The following CLK3 variants were observed in gnomAD, a reference collection of about 807,000 sequenced individuals.
The protein encoded by CLK3 is CDC like kinase 3, also known as dual specificity protein kinase CLK3.
A neutral mutation model predicts 65.2 loss-of-function variants in CLK3; 24 were observed. The ratio of observed to expected loss-of-function variants is 0.37; its 90% CI spans 0.27 to 0.52. The LOEUF (loss-of-function observed/expected upper bound fraction) is 0.52, where lower values mean the gene tolerates loss of function less well. CLK3 is among the 20% of genes least tolerant of loss of function. CLK3 has a pLI of 0.92. For synonymous variants in CLK3, 252 were observed against 240.8 expected, an observed-to-expected ratio of 1.05 and a Z score of -0.43; for missense variants, 506 against 660.0, an observed-to-expected ratio of 0.77 and a Z score of 2.56.
At chr15:74,615,445 C>A, upstream of CLK3, 1 of 1,284,736 alleles carries the variant, frequency 7.8e-7, no homozygotes, top group Non-Finnish European at 9.9e-7. Flanking sequence ...TCTCCGGGGC[C>A]CCGAGAACAA....
upstream of CLK3, among the ~76,000 whole-genome samples, chr15:74,614,199 A>G (rs2062026627): frequency 1.3e-5 from 2 of 152,192 alleles, no homozygotes; most frequent in African/African-American, 4.8e-5. Flanking sequence ...TTTTTAGTAG[A>G]GACGGGGTTT....
intron 2 of CLK3, among the ~76,000 whole-genome samples, chr15:74,619,754 C>G (rs1220697142): frequency 6.6e-6 from 1 of 152,118 alleles, no homozygotes; most frequent in Non-Finnish European, 1.5e-5. Context: ...GTATAGAACC[C>G]TTGGAGGCAC....
At chr15:74,619,157 G>A (rs2062082315) in intron 1 of CLK3, 40 bp from the exon 2 acceptor site, 3 of 1,607,830 alleles carry the variant, frequency 1.9e-6, no homozygotes, top group South Asian at 2.2e-5. Flanking sequence ...GAGGTGGCTG[G>A]CTGTGTGTTT....
chr15:74,619,306 C>G lies in CLK3; in HGVS notation c.110C>G (p.Pro37Arg), dbSNP rs562050993. The change falls in exon 2 of 13, where the codon CCG (proline) becomes CGG (arginine). Residue 37 changes from proline to arginine, a missense_variant. By Grantham distance (103) the Pro-to-Arg change is moderately radical. Around this residue, in one of 2 missense-constraint regions of CLK3, gnomAD observed 181 missense variants for 159.4 expected, o/e 1.14. Coordinates refer to ENST00000395066, the MANE Select transcript of CLK3 (RefSeq NM_001130028.2). ...SREHEGRLRY[P>R]SRREPPPRRS... ...GAACATGAAGGGAGACTGCGATACCCGTCCCGAAGGGAGCCTCCCCCACGA... is the reference window on the plus strand; with the variant it reads ...GAACATGAAGGGAGACTGCGATACCGGTCCCGAAGGGAGCCTCCCCCACGA... 2 of 1,614,160 alleles carry G rather than the reference C, an allele frequency of 1.2e-6. No homozygotes were observed. The highest frequency in any genetic ancestry group is 4.5e-5 in the East Asian group (2 of 44,878).
At position 74,621,649 on chromosome 15, in the gene CLK3, A is replaced by T; in HGVS notation, c.370-471A>T. On this transcript the variant is annotated intron_variant, in intron 3 of 12. Coordinates refer to ENST00000395066, the MANE Select transcript of CLK3 (RefSeq NM_001130028.2). The surrounding 1 kb of genome is among the most constrained non-coding windows in gnomAD (Gnocchi z 4.8). The stretch of plus-strand genomic sequence containing the variant: ...GCCGCTGACCAGTCTGGATGGTTGG[A>T]CCCAGGCGGGGCCAGCTGCCTTCTT... 3.2e-6 allele frequency: 1 copy of T among 308,772 alleles called. No homozygotes were observed. Among genetic ancestry groups the T allele is most frequent in the East Asian group, 8.3e-5 (1 of 12,082 alleles). The allele number at this position is 308,772 out of a possible 1,614,324, so 19.1% of individuals were successfully genotyped here.
chr15:74,622,457 C>T lies in CLK3; in HGVS notation c.467-37C>T, dbSNP rs766734003. On this transcript the variant is annotated intron_variant, in intron 4 of 12. Coordinates refer to ENST00000395066, the MANE Select transcript of CLK3 (RefSeq NM_001130028.2). This position sits in a 1 kb window ranked among gnomAD's most constrained non-coding sequence, Gnocchi z 4.6. The stretch of plus-strand genomic sequence containing the variant: ...TTGCAGGAGCTGCCAACCCCCTGCC[C>T]TCCAGATTCTCATGCCCAATTTCTT... The T allele has an allele frequency of 1.9e-6, 3 of 1,540,632 alleles. No homozygotes were observed. The highest frequency in any genetic ancestry group is 2.7e-6 in the Non-Finnish European group (3 of 1,129,672).
Position 74,630,066 on chromosome 15 carries a change from C to CA in CLK3, c.*185dup. ...GCTGCCAGAAAGCACAGATTTGACC[C>CA]AAGCTATTTATATGTTATAAAGTTA... On this transcript the variant is annotated 3_prime_UTR_variant, in exon 13 of 13. Transcript: ENST00000395066. 1.7e-6 allele frequency: 1 copy of CA among 604,346 alleles called. No homozygotes were observed. Among genetic ancestry groups the CA allele is most frequent in the Non-Finnish European group, 2.9e-6 (1 of 341,614 alleles). 37.4% of individuals were successfully genotyped at this position (604,346 alleles called of 1,614,324 possible).
intron 1 of CLK3, 166 bp downstream of exon 1, chr15:74,616,064 C>G: frequency 1.9e-6 from 1 of 521,410 alleles, no homozygotes. Flanking sequence ...CTGCTTCTGC[C>G]CCGGAGGGCG....
rs1430709298 is a variant in CLK3 at position 74,615,998 on chromosome 15, C to G, written c.-1+100C>G. Reference sequence around the variant, plus strand: ...TGGTGCCATTCGGTCTCGGCCTACTCCCTTTCTTTCTCCTCTTCGGCCCAT... The same window carrying G: ...TGGTGCCATTCGGTCTCGGCCTACTGCCTTTCTTTCTCCTCTTCGGCCCAT... On this transcript the variant is annotated intron_variant, in intron 1 of 12. Transcript: ENST00000395066. 8.8e-6 allele frequency: 8 copies of G among 909,078 alleles called. No homozygotes were observed. The East Asian group carries it at 1.3e-4, about 15-fold the overall frequency. 56.3% of individuals were successfully genotyped at this position (909,078 alleles called of 1,614,324 possible).
chr15:74,625,581 C>A (rs866372448), intron 6 of CLK3, among the ~76,000 whole-genome samples: 3 of 152,174 alleles, frequency 2.0e-5, no homozygotes, highest in African/African-American at 7.2e-5. Flanking sequence ...TCCCCTACCC[C>A]CCGCAGGAAG....
At chr15:74,611,789 C>T (rs2061993233), upstream of CLK3, among the ~76,000 whole-genome samples, 1 of 152,254 alleles carries the variant, frequency 6.6e-6, no homozygotes, top group African/African-American at 2.4e-5. Context: ...GGCTCTGCCT[C>T]AGTGGGACCT....
chr15:74,622,191 G>C lies in CLK3; in HGVS notation c.441G>C (p.Arg147=), dbSNP rs1369008769. 6.2e-7 allele frequency: 1 copy of C among 1,613,786 alleles called. No individual in the cohort carries two copies. Among genetic ancestry groups the C allele is most frequent in the Admixed American group, 1.7e-5 (1 of 59,998 alleles). The change falls in exon 4 of 13, where the codon CGG becomes CGC. Residue 147 remains arginine (R), a synonymous_variant. Transcript: ENST00000395066. This position sits in a 1 kb window ranked among gnomAD's most constrained non-coding sequence, Gnocchi z 4.6. ...ACAAGGAGGGTCACCTGGTGTGCCG[G>C]ATCGGCGATTGGCTCCAAGAGCGAT... ...EDDKEGHLVC[R]IGDWLQERYE...
chr15:74,626,888 C>G lies in CLK3; in HGVS notation c.818-464C>G. The stretch of plus-strand genomic sequence containing the variant: ...TCTTCCTGGGTATGCGACCTGTGCA[C>G]TCAGTCGCACAGGACCCTGTGCTTG... On this transcript the variant is annotated intron_variant, in intron 7 of 12. Transcript: ENST00000395066. The G allele has an allele frequency of 7.0e-6, 3 of 429,104 alleles. No homozygotes were observed. The Admixed American group carries it at 7.4e-5, about 11-fold the overall frequency. 26.6% of individuals were successfully genotyped at this position (429,104 alleles called of 1,614,324 possible). A position where few individuals can be genotyped will look rare whatever the true frequency, so the allele number is the denominator to read the frequency against.
In CLK3 at chr15:74,615,843, G is replaced by A. The variant is rs1220219377; in HGVS notation, c.-56G>A. On this transcript the variant is annotated 5_prime_UTR_variant, in exon 1 of 13. Coordinates refer to ENST00000395066, the MANE Select transcript of CLK3 (RefSeq NM_001130028.2). ...CGGGCGGAGGTCGCAGCCGGAAGCG[G>A]AAGAGGCGCTCGGAGCGGGGAGTGG... 2 of 1,253,064 alleles carry A rather than the reference G, an allele frequency of 1.6e-6. No homozygotes were observed. The highest frequency in any genetic ancestry group is 6.5e-5 in the South Asian group (2 of 30,664). The allele number at this position is 1,253,064 out of a possible 1,614,324, so 77.6% of individuals were successfully genotyped here.
upstream of CLK3, chr15:74,615,828 T>G (rs536214336): frequency 2.3e-4 from 290 of 1,246,554 alleles, 3 homozygotes; most frequent in Middle Eastern, 2.8e-3. Flanking sequence ...CGGGCGGAGG[T>G]CGCAGCCGGA....
chr15:74,627,535 T>C lies in CLK3; in HGVS notation c.913-4T>C. ...TGACCTGGCAGGCCTGCCTTGCCTT[T>C]CAGAGCTGTGAGGAGAAGTCAGTGA... On this transcript the variant is annotated splice_polypyrimidine_tract_variant and splice_region_variant and intron_variant, in intron 8 of 12. Coordinates refer to ENST00000395066, the MANE Select transcript of CLK3 (RefSeq NM_001130028.2). The surrounding 1 kb of genome is among the most constrained non-coding windows in gnomAD (Gnocchi z 4.3). 6.2e-7 allele frequency: 1 copy of C among 1,614,220 alleles called. No homozygotes were observed. Among genetic ancestry groups the C allele is most frequent in the Non-Finnish European group, 8.5e-7 (1 of 1,180,026 alleles).
intron 12 of CLK3, chr15:74,629,439 C>T: frequency 1.8e-6 from 1 of 557,538 alleles, no homozygotes; most frequent in Non-Finnish European, 3.2e-6. Context: ...CAGAGGTGAT[C>T]TCTACCCACC....
At chr15:74,620,629 C>T (rs1334458062) in intron 3 of CLK3, 3 of 257,616 alleles carry the variant, frequency 1.2e-5, no homozygotes, top group African/African-American at 4.4e-5. Flanking sequence ...ACTGCCTCCT[C>T]GTGTAACTGA....
Position 74,625,874 on chromosome 15 carries a change from G to T in CLK3, c.723G>T (p.Lys241Asn), listed in dbSNP as rs1472458038. ...GCATCGCCTTTGAGCTCCTGGGCAA[G>T]AACACCTTTGAGTTCCTGAAGGAGA... ...HMCIAFELLG[K>N]NTFEFLKENN... Residue 241 changes from lysine (K) to asparagine (N), a missense_variant, in exon 7 of 13, where the codon AAG becomes AAT. Lys to Asn is a moderately conservative substitution (Grantham distance 94, BLOSUM62 0). Around this residue, in one of 2 missense-constraint regions of CLK3, gnomAD observed 325 missense variants for 500.5 expected, o/e 0.65. Coordinates refer to ENST00000395066, the MANE Select transcript of CLK3 (RefSeq NM_001130028.2). 6.2e-7 allele frequency: 1 copy of T among 1,614,058 alleles called. No homozygotes were observed. Among genetic ancestry groups the T allele is most frequent in the Non-Finnish European group, 8.5e-7 (1 of 1,180,042 alleles).
Sources: gnomAD v4.1 joint callset for allele counts (sites outside exome capture counted in the v4.1 genomes callset) on GRCh38, gnomAD v4.1.1 for gene constraint, gnomAD v4.1.1 regional missense constraint, Gnocchi (gnomAD v3.1) non-coding constraint, MANE v1.5 for transcripts, NCBI Gene and HGNC (gene_info 2026-07-23, HGNC 2026-07-21) for gene names.